Variants in PTPRT observed in about 807,000 individuals in gnomAD.
PTPRT encodes receptor-type tyrosine-protein phosphatase T.
A neutral mutation model predicts 176.8 loss-of-function variants in PTPRT; 56 were observed. The ratio of observed to expected loss-of-function variants is 0.32; its 90% CI spans 0.26 to 0.40. The LOEUF is 0.40. Among genes scored for constraint, PTPRT ranks in the 10% least tolerant of loss-of-function variants. The pLI is 1.00. For synonymous variants in PTPRT, 783 were observed against 739.0 expected, an observed-to-expected ratio of 1.06 and a Z score of -0.96; for missense variants, 1,540 against 1,908.2, an observed-to-expected ratio of 0.81 and a Z score of 3.60.
chr20:43,179,676 A>T (rs2015201487), intron 1 of PTPRT, among the ~76,000 whole-genome samples: 1 of 152,230 alleles, frequency 6.6e-6, no homozygotes, highest in South Asian at 2.1e-4. Flanking sequence ...TGAGACACTA[A>T]ATCTCTCTAT....
intron 6 of PTPRT, among the ~76,000 whole-genome samples, chr20:42,715,274 C>A (rs752774069): frequency 6.6e-6 from 1 of 152,024 alleles, no homozygotes; most frequent in Non-Finnish European, 1.5e-5. Context: ...AGGTAACAAA[C>A]AGGACATAAA....
chr20:42,926,836 C>T (rs1979515818), intron 1 of PTPRT, among the ~76,000 whole-genome samples: 1 of 152,170 alleles, frequency 6.6e-6, no homozygotes, highest in African/African-American at 2.4e-5. Flanking sequence ...GCTTACAATG[C>T]ATCCCCAAGA....
At chr20:43,057,922 C>T (rs560313197) in intron 1 of PTPRT, among the ~76,000 whole-genome samples, 3 of 152,318 alleles carry the variant, frequency 2.0e-5, no homozygotes, top group South Asian at 2.1e-4. Flanking sequence ...TTTGTTCCCC[C>T]ACTCAATGCC....
At chr20:42,729,968 A>G (rs2146260304) in intron 6 of PTPRT, among the ~76,000 whole-genome samples, 1 of 152,272 alleles carries the variant, frequency 6.6e-6, no homozygotes, top group South Asian at 2.1e-4. Context: ...TATGCCACGC[A>G]CTGTGCTATG....
rs1161994908 is a variant in PTPRT at position 42,646,882 on chromosome 20, C to CTTTTTTTTTT, written c.1153+30974_1153+30983dup. Among the ~76,000 whole-genome samples the CTTTTTTTTTT allele has an allele frequency of 2.4e-3, 181 of 76,278 alleles. 35 individuals carry two copies. The highest frequency in any genetic ancestry group is 0.013 in the African/African-American group (168 of 13,362). The allele number at this position is 76,278 out of a possible 152,430, so 50.0% of individuals were successfully genotyped here. A position where few individuals can be genotyped will look rare whatever the true frequency, so the allele number is the denominator to read the frequency against. ...TCTAGAGATCCCAACCTAAGACAGC[C>CTTTTTTTTTT]TTTTTTTTTTTTTTTTTTTTTTTTT... On this transcript the variant is annotated intron_variant, in intron 7 of 30. Coordinates refer to ENST00000373187, the MANE Select transcript of PTPRT (RefSeq NM_007050.6).
chr20:43,125,697 C>G (rs949965035), intron 1 of PTPRT, among the ~76,000 whole-genome samples: 2 of 152,172 alleles, frequency 1.3e-5, no homozygotes, highest in Non-Finnish European at 2.9e-5. Flanking sequence ...GACTGGCCAA[C>G]TATAAGAGAA....
chr20:43,134,911 A>T (rs2013774311), intron 1 of PTPRT, among the ~76,000 whole-genome samples: 1 of 152,168 alleles, frequency 6.6e-6, no homozygotes, highest in African/African-American at 2.4e-5. Context: ...GACGTAGAGG[A>T]CTATCCAATG....
At chr20:42,496,616 C>T (rs2145399556) in intron 7 of PTPRT, among the ~76,000 whole-genome samples, 1 of 149,970 alleles carries the variant, frequency 6.7e-6, no homozygotes, top group East Asian at 2.0e-4. Flanking sequence ...AGATCTGTAT[C>T]TTGAAATCCT....
In PTPRT at chr20:43,188,509, T is replaced by C. The variant is rs2015451383; in HGVS notation, c.88+1137A>G. Among the ~76,000 whole-genome samples, 3 of 152,184 alleles carry C rather than the reference T, an allele frequency of 2.0e-5. No individual in the cohort carries two copies. The South Asian group carries it at 6.2e-4, about 32-fold the overall frequency. ...CCTCCCCACAGGTTCGTTCTTTTGC[T>C]CTTTCTTTCTTCCTTTCCTTCTTTC... On this transcript the variant is annotated intron_variant, in intron 1 of 30. Transcript: ENST00000373187.
At chr20:43,115,091 T>C (rs2013006660) in intron 1 of PTPRT, among the ~76,000 whole-genome samples, 1 of 152,200 alleles carries the variant, frequency 6.6e-6, no homozygotes, top group Non-Finnish European at 1.5e-5. Context: ...GGTGGTCCTC[T>C]CCTCTCTGGA....
At chr20:42,112,632 CA>C (rs1183126757) in intron 22 of PTPRT, among the ~76,000 whole-genome samples, 1 of 152,152 alleles carries the variant, frequency 6.6e-6, no homozygotes, top group Non-Finnish European at 1.5e-5. Context: ...TAGGTGGAAG[CA>C]AGTCTCTGCT....
At chr20:42,430,236 G>A (rs2059204022) in intron 9 of PTPRT, among the ~76,000 whole-genome samples, 1 of 152,192 alleles carries the variant, frequency 6.6e-6, no homozygotes, top group South Asian at 2.1e-4. Context: ...AGGAAATCCT[G>A]ACGTAGCAAG....
At chr20:42,376,010 A>G (rs111384223) in intron 9 of PTPRT, among the ~76,000 whole-genome samples, 4 of 152,278 alleles carry the variant, frequency 2.6e-5, no homozygotes, top group African/African-American at 7.2e-5. Context: ...ATTCTTTGGG[A>G]AAAAAATGTG....
At chr20:42,693,332 C>A (rs955895767) in intron 6 of PTPRT, among the ~76,000 whole-genome samples, 2 of 152,062 alleles carry the variant, frequency 1.3e-5, no homozygotes, top group Admixed American at 6.5e-5. Flanking sequence ...ATCTGTCAGG[C>A]TTTCTAGACA....
chr20:42,449,973 A>T (rs6030250), intron 8 of PTPRT, among the ~76,000 whole-genome samples: 39,453 of 151,788 alleles, frequency 0.26, 5,252 homozygotes, highest in Middle Eastern at 0.35. Context: ...TTTTATTTTT[A>T]AAAAAATGTT....
intron 1 of PTPRT, among the ~76,000 whole-genome samples, chr20:43,096,106 C>T (rs2012156654): frequency 7.0e-6 from 1 of 142,490 alleles, no homozygotes; most frequent in African/African-American, 2.6e-5. Flanking sequence ...CTCTCTCTCT[C>T]CCCATCTCTC....
intron 18 of PTPRT, among the ~76,000 whole-genome samples, chr20:42,133,623 A>C (rs1988236782): frequency 6.6e-6 from 1 of 152,232 alleles, no homozygotes; most frequent in Non-Finnish European, 1.5e-5. Flanking sequence ...GATATATGTC[A>C]TTGTACATTT....
intron 23 of PTPRT, among the ~76,000 whole-genome samples, 169 bp from the exon 24 acceptor site, chr20:42,107,090 C>CACATATACATGCCATTGCCTTGTCT (rs1297354029): frequency 1.3e-5 from 2 of 152,226 alleles, no homozygotes; most frequent in Admixed American, 1.3e-4. Flanking sequence ...GTGCAAACCA[C>CACATATACATGCCATTGCCTTGTCT]ACATATACAT....
chr20:42,128,243 T>G (rs987063524), intron 19 of PTPRT, among the ~76,000 whole-genome samples: 4 of 152,120 alleles, frequency 2.6e-5, no homozygotes, highest in Non-Finnish European at 5.9e-5. Flanking sequence ...ATGGGAGAAG[T>G]GATATTTTTC....
Sources: gnomAD v4.1 joint callset for allele counts (sites outside exome capture counted in the v4.1 genomes callset) on GRCh38, gnomAD v4.1.1 for gene constraint, MANE v1.5 for transcripts, NCBI Gene and HGNC (gene_info 2026-07-23, HGNC 2026-07-21) for gene names.